VRK2: variants seen among roughly 807,000 people sequenced by gnomAD.
VRK2 encodes VRK serine/threonine kinase 2.
VRK2 carries 60 observed loss-of-function variants against 57.6 expected under a neutral mutation model. That is an observed-to-expected ratio of 1.04 (90% confidence interval 0.85 to 1.29). The LOEUF is 1.29. Ranked by LOEUF, VRK2 falls within the 50% of genes most tolerant of loss-of-function variation. The pLI is 0.00. For missense variants in VRK2, 705 were observed against 588.1 expected (o/e 1.20, Z -2.06); for synonymous variants, 231 against 199.2 (o/e 1.16, Z -1.35).
At chr2:58,011,980 C>A (rs1673430461) in intron 1 of VRK2, among the ~76,000 whole-genome samples, 1 of 152,150 alleles carries the variant, frequency 6.6e-6, no homozygotes, top group South Asian at 2.1e-4. Context: ...CATTAGGGCT[C>A]AAGACACACT....
At chr2:58,131,567 G>T (rs1270656952) in intron 8 of VRK2, among the ~76,000 whole-genome samples, 3 of 152,164 alleles carry the variant, frequency 2.0e-5, no homozygotes, top group Admixed American at 2.0e-4. Flanking sequence ...CCAGACTAAG[G>T]AAAGATGAAG....
intron 1 of VRK2, among the ~76,000 whole-genome samples, chr2:57,930,412 T>C (rs1670682471): frequency 6.6e-6 from 1 of 152,150 alleles, no homozygotes; most frequent in Admixed American, 6.5e-5. Flanking sequence ...AGATTCTCTT[T>C]CTGGGCCACG....
chr2:58,015,859 G>C (rs191123120), intron 1 of VRK2, among the ~76,000 whole-genome samples: 1 of 152,058 alleles, frequency 6.6e-6, no homozygotes, highest in Non-Finnish European at 1.5e-5. Flanking sequence ...TATTACATAT[G>C]AAGTTCTTGA....
intron 1 of VRK2, among the ~76,000 whole-genome samples, chr2:58,019,691 A>C (rs1673691180): frequency 1.3e-5 from 2 of 152,232 alleles, no homozygotes; most frequent in African/African-American, 4.8e-5. Flanking sequence ...TTATTCACCA[A>C]GCTGAATTTC....
At chr2:58,152,507 G>GA (rs1683223699) in intron 12 of VRK2, among the ~76,000 whole-genome samples, 3 of 151,618 alleles carry the variant, frequency 2.0e-5, no homozygotes, top group South Asian at 2.1e-4. Context: ...AAAGGAAAAG[G>GA]AAAAAAAGTC....
chr2:58,121,922 A>G (rs1212830597), intron 7 of VRK2, among the ~76,000 whole-genome samples: 1 of 152,212 alleles, frequency 6.6e-6, no homozygotes, highest in Non-Finnish European at 1.5e-5. Context: ...ACACTTCTCC[A>G]TTCAGTATAT....
At chr2:58,024,365 AGAAAATAAATAAATAAG>A (rs915936308) in intron 1 of VRK2, among the ~76,000 whole-genome samples, 3 of 152,226 alleles carry the variant, frequency 2.0e-5, no homozygotes, top group Non-Finnish European at 4.4e-5. Context: ...TGACAGGATT[AGAAAATAAATAAATAAG>A]GAATTAATAG....
rs1558700242 is a variant in VRK2, at chr2:58,146,449, G to C, written c.1157G>C (p.Gly386Ala). 1.2e-6 allele frequency: 2 copies of C among 1,610,804 alleles called. No homozygotes were observed. The highest frequency in any genetic ancestry group is 1.7e-5 in the Admixed American group (1 of 59,774). Residue 386 changes from glycine (G) to alanine (A), a missense_variant, in exon 12 of 13, where the codon GGA becomes GCA. Coordinates refer to ENST00000340157, the MANE Select transcript of VRK2 (RefSeq NM_006296.7). Reference sequence around the variant, plus strand: ...GTGCAGAAAGAGGAGAAACTGATTGGATTGATGAACAATGAAGCAGCTCAG... The same window carrying C: ...GTGCAGAAAGAGGAGAAACTGATTGCATTGATGAACAATGAAGCAGCTCAG... The part of the protein sequence containing the change: ...WKVQKEEKLI[G>A]LMNNEAAQES...
chr2:57,919,963 A>G (rs1016358823), intron 1 of VRK2, among the ~76,000 whole-genome samples: 4 of 152,156 alleles, frequency 2.6e-5, no homozygotes, highest in African/African-American at 9.6e-5. Context: ...AAAATTATTC[A>G]AATTAGATAG....
In VRK2 at chr2:58,159,183, T is replaced by C. The variant is rs368119259; in HGVS notation, c.1183-166T>C. 129 of 547,634 alleles carry C rather than the reference T, an allele frequency of 2.4e-4. 1 individual carries two copies. In the East Asian group the frequency reaches 3.7e-3, roughly 16 times the overall value. 33.9% of individuals were successfully genotyped at this position (547,634 alleles called of 1,614,324 possible). On this transcript the variant is annotated intron_variant, in intron 12 of 12. Coordinates refer to ENST00000340157, the MANE Select transcript of VRK2 (RefSeq NM_006296.7). ...TGGATGTTTATAAACTCTTAAAAAGTGTAAATCTTTAAGATCTTTACCTAA... is the reference window on the plus strand; with the variant it reads ...TGGATGTTTATAAACTCTTAAAAAGCGTAAATCTTTAAGATCTTTACCTAA...
chr2:58,135,279 T>C (rs1679853158), intron 10 of VRK2, 80 bp downstream of exon 10: 1 of 1,497,024 alleles, frequency 6.7e-7, no homozygotes, highest in South Asian at 1.1e-5. Flanking sequence ...TAGCTTTTGC[T>C]TAACCCACTT....
intron 1 of VRK2, among the ~76,000 whole-genome samples, chr2:57,941,412 T>A (rs1671090317): frequency 6.6e-6 from 1 of 152,122 alleles, no homozygotes; most frequent in Non-Finnish European, 1.5e-5. Flanking sequence ...GCACCCGAAA[T>A]AGAAATAATA....
chr2:58,049,934 T>G (rs1471818563), intron 2 of VRK2, among the ~76,000 whole-genome samples: 4 of 152,318 alleles, frequency 2.6e-5, no homozygotes, highest in African/African-American at 9.6e-5. Context: ...GCTTATTAAA[T>G]ACTTAAGTGT....
At chr2:58,106,236 A>T (rs565757663) in intron 7 of VRK2, among the ~76,000 whole-genome samples, 2 of 152,152 alleles carry the variant, frequency 1.3e-5, no homozygotes, top group African/African-American at 4.8e-5. Flanking sequence ...GTAATTGGAA[A>T]GATTTTCTAT....
At chr2:58,061,823 A>C (rs1481979709) in intron 2 of VRK2, among the ~76,000 whole-genome samples, 2 of 152,078 alleles carry the variant, frequency 1.3e-5, no homozygotes, top group African/African-American at 4.8e-5. Flanking sequence ...AGAAAATGAC[A>C]AACCAGTTAC....
At chr2:58,096,944 AT>A (rs1374680252) in intron 7 of VRK2, among the ~76,000 whole-genome samples, 10 of 151,964 alleles carry the variant, frequency 6.6e-5, no homozygotes, top group Non-Finnish European at 1.5e-5. Flanking sequence ...TCAGTAGGAA[AT>A]TCTTAAATTT....
chr2:57,968,702 A>C (rs1025993888), intron 1 of VRK2, among the ~76,000 whole-genome samples: 2 of 152,156 alleles, frequency 1.3e-5, no homozygotes, highest in African/African-American at 4.8e-5. Flanking sequence ...GAGATAAATC[A>C]AAACTAAAAA....
At chr2:58,106,134 G>A (rs1039816665) in intron 7 of VRK2, among the ~76,000 whole-genome samples, 2 of 151,960 alleles carry the variant, frequency 1.3e-5, no homozygotes, top group Non-Finnish European at 2.9e-5. Context: ...CACAGGTTGT[G>A]TGTCTTGATT....
At chr2:58,077,162 C>T (rs1159810392) in intron 2 of VRK2, among the ~76,000 whole-genome samples, 3 of 151,816 alleles carry the variant, frequency 2.0e-5, no homozygotes, top group Non-Finnish European at 2.9e-5. Flanking sequence ...ATGAGCTTAG[C>T]GCTCTTTTTT....
Sources: allele counts gnomAD v4.1 joint callset (sites outside exome capture counted in the v4.1 genomes callset), GRCh38; gene constraint gnomAD v4.1.1; transcripts MANE v1.5; gene names NCBI Gene and HGNC (gene_info 2026-07-23, HGNC 2026-07-21).